Variants in SEMA6A observed in about 807,000 individuals in gnomAD.
SEMA6A encodes semaphorin 6A.
A neutral mutation model predicts 96.8 loss-of-function variants in SEMA6A; 25 were observed. The ratio of observed to expected loss-of-function variants is 0.26; its 90% CI spans 0.19 to 0.36. The LOEUF (loss-of-function observed/expected upper bound fraction) is 0.36, where lower values mean the gene tolerates loss of function less well. SEMA6A is among the 10% of genes least tolerant of loss of function. The pLI is 1.00. For synonymous variants in SEMA6A, 612 were observed against 518.0 expected (o/e 1.18, Z -2.46); for missense variants, 1,363 against 1,323.1 (o/e 1.03, Z -0.47).
chr5:116,459,781 A>C (rs1376697980), intron 18 of SEMA6A, among the ~76,000 whole-genome samples: 1 of 152,084 alleles, frequency 6.6e-6, no homozygotes, highest in Non-Finnish European at 1.5e-5. Flanking sequence ...ACTCTGCCCC[A>C]GCATTTAGAT....
At chr5:116,554,638 T>A (rs1253096340) in intron 1 of SEMA6A, 1 of 152,232 alleles carries the variant, frequency 6.6e-6, no homozygotes, top group Non-Finnish European at 1.5e-5. Flanking sequence ...GAGAGGTGGG[T>A]GGTGAAGTCC....
chr5:116,499,080 T>A lies in SEMA6A; in HGVS notation c.219-1693A>T, dbSNP rs1757750850. Reference sequence around the variant, plus strand: ...AGTCCCCCGGGTTCTGGATGGGACTTGGCTTGCGATTGCTGACAGCAATTG... The same window carrying A: ...AGTCCCCCGGGTTCTGGATGGGACTAGGCTTGCGATTGCTGACAGCAATTG... On this transcript the variant is annotated intron_variant, in intron 3 of 18. Coordinates refer to ENST00000343348, the MANE Select transcript of SEMA6A (RefSeq NM_020796.5). 2.6e-5 allele frequency: 4 copies of A among 152,314 alleles called. No homozygotes were observed. The South Asian group carries it at 8.3e-4, about 32-fold the overall frequency. 9.4% of individuals were successfully genotyped at this position (152,314 alleles called of 1,614,324 possible). A position where few individuals can be genotyped will look rare whatever the true frequency, so the allele number is the denominator to read the frequency against.
chr5:116,558,918 A>T (rs1580516087), intron 1 of SEMA6A, among the ~76,000 whole-genome samples: 2 of 152,352 alleles, frequency 1.3e-5, no homozygotes, highest in East Asian at 3.9e-4. Context: ...GGGAGAACAC[A>T]TGTATATCTA....
At chr5:116,472,923 G>A (rs903332941) in intron 17 of SEMA6A, 150 bp downstream of exon 17, 4 of 1,523,920 alleles carry the variant, frequency 2.6e-6, no homozygotes, top group Non-Finnish European at 3.5e-6. Flanking sequence ...ATCTGGTAGA[G>A]GAGTTGAAAT....
intron 1 of SEMA6A, among the ~76,000 whole-genome samples, chr5:116,518,148 C>A (rs999371142): frequency 6.6e-6 from 1 of 152,148 alleles, no homozygotes; most frequent in Non-Finnish European, 1.5e-5. Context: ...TTGGGGAGGA[C>A]AACTGTTATC....
chr5:116,510,726 C>A (rs567902693), intron 1 of SEMA6A, among the ~76,000 whole-genome samples: 2 of 152,208 alleles, frequency 1.3e-5, no homozygotes, highest in African/African-American at 4.8e-5. Flanking sequence ...CTCCCCCACC[C>A]ACTTCAAGTC....
At chr5:116,557,964 C>G (rs1018932915) in intron 1 of SEMA6A, among the ~76,000 whole-genome samples, 1 of 152,160 alleles carries the variant, frequency 6.6e-6, no homozygotes, top group African/African-American at 2.4e-5. Context: ...TTTGGTTTCT[C>G]GGCATTATGA....
intron 16 of SEMA6A, among the ~76,000 whole-genome samples, chr5:116,474,631 C>G (rs1260927248): frequency 6.6e-6 from 1 of 152,110 alleles, no homozygotes; most frequent in Non-Finnish European, 1.5e-5. Context: ...TTGAATGACA[C>G]TTTAGAGTCT....
chr5:116,482,968 T>A (rs997024244), intron 10 of SEMA6A, among the ~76,000 whole-genome samples: 7 of 152,202 alleles, frequency 4.6e-5, no homozygotes, highest in African/African-American at 1.7e-4. Flanking sequence ...TTGGTGAAAA[T>A]TTGAAACAAA....
rs137940750 is a variant in SEMA6A at position 116,455,053 on chromosome 5, T to C, written c.1895-7242A>G. On this transcript the variant is annotated intron_variant, in intron 18 of 18. Transcript: ENST00000343348. Reference sequence around the variant, plus strand: ...GAACCCACTTCCACTTCGATCACCTTTAAAAGTGATGCATTTTTGGTTGGG... The same window carrying C: ...GAACCCACTTCCACTTCGATCACCTCTAAAAGTGATGCATTTTTGGTTGGG... 1.4e-3 allele frequency among the ~76,000 whole-genome samples: 214 copies of C among 152,320 alleles called. 1 individual carries two copies. Among genetic ancestry groups the C allele is most frequent in the Non-Finnish European group, 2.2e-3 (148 of 68,024 alleles).
chr5:116,446,072 T>C lies in SEMA6A; in HGVS notation c.*541A>G, dbSNP rs1754158172. The C allele has an allele frequency of 6.5e-6, 1 of 152,736 alleles. No homozygotes were observed. Among genetic ancestry groups the C allele is most frequent in the African/African-American group, 2.4e-5 (1 of 41,466 alleles). 9.5% of individuals were successfully genotyped at this position (152,736 alleles called of 1,614,324 possible). ...TTTGCGCATAGTAAACTTCTGCCAT[T>C]GTTAAAGTCTGAGTTAGAATTATCA... On this transcript the variant is annotated 3_prime_UTR_variant, in exon 19 of 19. Transcript: ENST00000343348.
At chr5:116,480,425 C>A in intron 11 of SEMA6A, 148 bp from the exon 12 acceptor site, 1 of 929,248 alleles carries the variant, frequency 1.1e-6, no homozygotes, top group Non-Finnish European at 1.6e-6. Context: ...AGAATGCCAC[C>A]AAGCACAATA....
chr5:116,569,016 T>C (rs1761112424), intron 1 of SEMA6A, among the ~76,000 whole-genome samples: 2 of 152,250 alleles, frequency 1.3e-5, no homozygotes, highest in African/African-American at 4.8e-5. Flanking sequence ...GGATGGCCCA[T>C]GATGTGCCAG....
intron 1 of SEMA6A, among the ~76,000 whole-genome samples, chr5:116,540,071 C>T (rs533451424): frequency 2.1e-4 from 32 of 152,224 alleles, no homozygotes; most frequent in African/African-American, 7.2e-4. Context: ...ATACGTTTTA[C>T]AAAACCCCTT....
At chr5:116,515,580 C>T (rs1018244359) in intron 1 of SEMA6A, among the ~76,000 whole-genome samples, 2 of 152,140 alleles carry the variant, frequency 1.3e-5, no homozygotes, top group Non-Finnish European at 2.9e-5. Context: ...ATTTTAGCAC[C>T]TAGAGTTTTC....
chr5:116,502,191 T>C lies in SEMA6A; in HGVS notation c.218+19A>G, dbSNP rs957883338. 45 of 1,601,784 alleles carry C rather than the reference T, an allele frequency of 2.8e-5. No homozygotes were observed. Among genetic ancestry groups the C allele is most frequent in the East Asian group, 6.7e-5 (3 of 44,804 alleles). ...CTTTTGGACACTCTCAAGGCAGACATGGGGAAAAGGCCCCTTACCTAGCAG... is the reference window on the plus strand; with the variant it reads ...CTTTTGGACACTCTCAAGGCAGACACGGGGAAAAGGCCCCTTACCTAGCAG... On this transcript the variant is annotated intron_variant, in intron 3 of 18. Coordinates refer to ENST00000343348, the MANE Select transcript of SEMA6A (RefSeq NM_020796.5).
At position 116,539,154 on chromosome 5, in the gene SEMA6A, A is replaced by G. The variant is rs572854085; in HGVS notation, c.-38-34172T>C. ...CAGTGCTAGAGTTCAAGCCTAGACA[A>G]TATTTATTTCTTTGGCCCTAGACAA... On this transcript the variant is annotated intron_variant, in intron 1 of 18. Coordinates refer to ENST00000343348, the MANE Select transcript of SEMA6A (RefSeq NM_020796.5). Among the ~76,000 whole-genome samples the G allele has an allele frequency of 3.9e-5, 6 of 152,270 alleles. No individual in the cohort carries two copies. The South Asian group carries it at 1.2e-3, about 32-fold the overall frequency.
At chr5:116,512,818 T>C (rs1758479625) in intron 1 of SEMA6A, among the ~76,000 whole-genome samples, 2 of 152,150 alleles carry the variant, frequency 1.3e-5, no homozygotes, top group Non-Finnish European at 2.9e-5. Context: ...TCTGCTGCTA[T>C]AGTCACGACC....
rs2112667549 is a variant in SEMA6A at position 116,472,709 on chromosome 5, C to T, written c.1729+364G>A. ...GGACTCAGTCTCCCACATCAATTGT[C>T]TCACATAGGCAGAGTAATTTTTGAA... On this transcript the variant is annotated intron_variant, in intron 17 of 18. Transcript: ENST00000343348. The T allele has an allele frequency of 1.2e-5, 6 of 518,298 alleles. 1 individual carries two copies. The South Asian group carries it at 1.7e-4, about 15-fold the overall frequency. The allele number at this position is 518,298 out of a possible 1,614,324, so 32.1% of individuals were successfully genotyped here.
Sources: allele counts gnomAD v4.1 joint callset (sites outside exome capture counted in the v4.1 genomes callset), GRCh38; gene constraint gnomAD v4.1.1; transcripts MANE v1.5; gene names NCBI Gene and HGNC (gene_info 2026-07-23, HGNC 2026-07-21).